The following ALDH1L2 variants were observed in gnomAD, a reference collection of about 807,000 sequenced individuals.
ALDH1L2 encodes the protein aldehyde dehydrogenase 1 family member L2, also known as mitochondrial 10-formyltetrahydrofolate dehydrogenase.
ALDH1L2 carries 91 observed loss-of-function variants against 111.0 expected under a neutral mutation model. The ratio of observed to expected loss-of-function variants is 0.82; its 90% CI spans 0.69 to 0.98. The LOEUF is 0.98. Ranked by LOEUF, ALDH1L2 falls within the 50% of genes least tolerant of loss-of-function variation. ALDH1L2 has a pLI of 0.00. For missense variants in ALDH1L2, 995 were observed against 1,126.8 expected (o/e 0.88, Z 1.67); for synonymous variants, 374 against 392.6 (o/e 0.95, Z 0.56).
chr12:105,025,466 C>T (rs768197091), intron 22 of ALDH1L2, among the ~76,000 whole-genome samples: 4 of 152,182 alleles, frequency 2.6e-5, no homozygotes. Flanking sequence ...GGATGCCTCA[C>T]TTTCTAATAA....
At chr12:105,035,965 T>TTA (rs1340349045) in intron 18 of ALDH1L2, among the ~76,000 whole-genome samples, 1 of 108,840 alleles carries the variant, frequency 9.2e-6, no homozygotes, top group Non-Finnish European at 1.7e-5. Context: ...ATACGTATAT[T>TTA]TATATGTGTA....
intron 1 of ALDH1L2, among the ~76,000 whole-genome samples, chr12:105,078,870 G>T (rs1194115134): frequency 6.6e-6 from 1 of 152,188 alleles, no homozygotes; most frequent in Non-Finnish European, 1.5e-5. Flanking sequence ...CAGGCAGAGG[G>T]TGCGGTATTT....
At chr12:105,072,439 G>A (rs1274362087) in intron 2 of ALDH1L2, 1 of 151,906 alleles carries the variant, frequency 6.6e-6, no homozygotes, top group East Asian at 1.9e-4. Context: ...AGTCCTGAAG[G>A]ACCCCAGCCA....
chr12:105,030,568 G>T, intron 20 of ALDH1L2, 139 bp from the exon 21 acceptor site: 1 of 565,728 alleles, frequency 1.8e-6, no homozygotes, highest in Non-Finnish European at 2.9e-6. Context: ...TTCTCTATTT[G>T]GTGTTGGCAT....
Position 105,030,392 on chromosome 12 carries a change from T to C in ALDH1L2, c.2448A>G (p.Glu816=), listed in dbSNP as rs147218331. 148 of 1,612,234 alleles carry C rather than the reference T, an allele frequency of 9.2e-5. No individual in the cohort carries two copies. The highest frequency in any genetic ancestry group is 6.6e-4 in the Middle Eastern group (4 of 6,054). ...FMEPTVFTDV[E]DYMYLAKEES... ...CCTCTTTGGCGAGGTACATGTAGTC[T>C]TCCACATCTGTGAACACGGTCGGCT... is the stretch of plus-strand genomic sequence containing the variant. The change falls in exon 21 of 23, where the codon GAA becomes GAG. Residue 816 remains glutamate (E), a synonymous_variant. Coordinates refer to ENST00000258494, the MANE Select transcript of ALDH1L2 (RefSeq NM_001034173.4).
At chr12:105,073,117 C>G (rs1353297063) in intron 2 of ALDH1L2, among the ~76,000 whole-genome samples, 1 of 152,184 alleles carries the variant, frequency 6.6e-6, no homozygotes, top group East Asian at 1.9e-4. Flanking sequence ...TCAATGCTTC[C>G]TTATTATGAA....
At position 105,038,313 on chromosome 12, in the gene ALDH1L2, CA is replaced by C; in HGVS notation, c.2046-112del. 3 of 648,632 alleles carry C rather than the reference CA, an allele frequency of 4.6e-6. 1 individual carries two copies. Among genetic ancestry groups the C allele is most frequent in the Non-Finnish European group, 7.8e-6 (3 of 384,600 alleles). The allele number at this position is 648,632 out of a possible 1,614,324, so 40.2% of individuals were successfully genotyped here. The stretch of plus-strand genomic sequence containing the variant: ...ACACACACACACACACACACACACA[CA>C]CACACACACTTTTTAAGCTATAAGT... On this transcript the variant is annotated intron_variant, in intron 17 of 22. Transcript: ENST00000258494.
At chr12:105,070,081 A>C (rs1434484335) in intron 3 of ALDH1L2, among the ~76,000 whole-genome samples, 1 of 152,202 alleles carries the variant, frequency 6.6e-6, no homozygotes. Context: ...GACTCCCTCT[A>C]GGGGATTATG....
In ALDH1L2 at chr12:105,074,499, GAA is replaced by G. The variant is rs201817494; in HGVS notation, c.49-496_49-495del. Among the ~76,000 whole-genome samples the G allele has an allele frequency of 7.2e-3, 910 of 126,976 alleles. 15 individuals carry two copies. The highest frequency in any genetic ancestry group is 0.028 in the African/African-American group (833 of 29,814). The allele number at this position is 126,976 out of a possible 152,430, so 83.3% of individuals were successfully genotyped here. On this transcript the variant is annotated intron_variant, in intron 1 of 22. Transcript: ENST00000258494. Reference sequence around the variant, plus strand: ...AAAAAAAAAAGAAAAGAAAAAGAAAGAAAGAAAGAGGGTAATCAGAGGGTCAT... The same window carrying G: ...AAAAAAAAAAGAAAAGAAAAAGAAAGAGAAAGAGGGTAATCAGAGGGTCAT...
rs534509833 is a variant in ALDH1L2, at chr12:105,063,487, A to G, written c.787-465T>C. 2.2e-3 allele frequency among the ~76,000 whole-genome samples: 330 copies of G among 151,906 alleles called. 1 individual carries two copies. Among genetic ancestry groups the G allele is most frequent in the Admixed American group, 5.6e-3 (86 of 15,256 alleles). ...CCAGACTCTGTCTCAAAGAAAAAAA[A>G]AAAGAAAGAAAGAAAGAAATGACAC... On this transcript the variant is annotated intron_variant, in intron 6 of 22. Transcript: ENST00000258494.
chr12:105,068,864 T>C lies in ALDH1L2; in HGVS notation c.449A>G (p.Lys150Arg), dbSNP rs749063185. ...AINWTLIMGD[K>R]KAGFSVFWAD... ...CCAGAAAACAGAAAACCCAGCTTTCTTATCTCCCATAATTAGAGTCCTGTG... is the reference window on the plus strand; with the variant it reads ...CCAGAAAACAGAAAACCCAGCTTTCCTATCTCCCATAATTAGAGTCCTGTG... Residue 150 changes from lysine to arginine, a missense_variant, in exon 4 of 23, where the codon AAG (lysine) becomes AGG (arginine). Physicochemically the swap from Lys to Arg is conservative, Grantham distance 26. Transcript: ENST00000258494. 26 of 1,580,120 alleles carry C rather than the reference T, an allele frequency of 1.6e-5. No individual in the cohort carries two copies. The highest frequency in any genetic ancestry group is 1.9e-5 in the Admixed American group (1 of 51,694).
In ALDH1L2 at chr12:105,064,043, C is replaced by T. The variant is rs569204799; in HGVS notation, c.787-1021G>A. On this transcript the variant is annotated intron_variant, in intron 6 of 22. Coordinates refer to ENST00000258494, the MANE Select transcript of ALDH1L2 (RefSeq NM_001034173.4). Reference sequence around the variant, plus strand: ...CAATCTCGCTGCAACCTCTGCCTCCCGGGTTCAAATGATTCTCCTGCCTTA... The same window carrying T: ...CAATCTCGCTGCAACCTCTGCCTCCTGGGTTCAAATGATTCTCCTGCCTTA... Among the ~76,000 whole-genome samples, 7 of 146,060 alleles carry T rather than the reference C, an allele frequency of 4.8e-5. No homozygotes were observed. The South Asian group carries it at 1.3e-3, about 28-fold the overall frequency.
At chr12:105,026,513 A>C (rs986600168) in intron 22 of ALDH1L2, 32 bp downstream of exon 22, 68 of 1,611,850 alleles carry the variant, frequency 4.2e-5, no homozygotes, top group Non-Finnish European at 5.7e-5. Flanking sequence ...GTGACAACAA[A>C]GGGAAGGTGA....
At chr12:105,065,996 T>G (rs1262240321) in intron 5 of ALDH1L2, among the ~76,000 whole-genome samples, 1 of 152,188 alleles carries the variant, frequency 6.6e-6, no homozygotes, top group Non-Finnish European at 1.5e-5. Flanking sequence ...TTTTGTTTTT[T>G]GAGACAGGGG....
At chr12:105,052,621 G>C (rs148268117) in intron 11 of ALDH1L2, among the ~76,000 whole-genome samples, 191 bp downstream of exon 11, 1 of 152,136 alleles carries the variant, frequency 6.6e-6, no homozygotes, top group South Asian at 2.1e-4. Flanking sequence ...CTATAAAATA[G>C]GTTACTACAG....
intron 16 of ALDH1L2, 60 bp from the exon 17 acceptor site, chr12:105,039,866 T>TA: frequency 1.3e-6 from 2 of 1,488,926 alleles, no homozygotes; most frequent in Non-Finnish European, 1.9e-6. Flanking sequence ...CGCGGTGGCT[T>TA]ACGCCTGTAA....
intron 15 of ALDH1L2, among the ~76,000 whole-genome samples, chr12:105,042,496 T>A (rs1050367907): frequency 6.6e-6 from 1 of 152,242 alleles, no homozygotes; most frequent in Admixed American, 6.5e-5. Context: ...TTCCTCATTC[T>A]CTTCAATGGG....
Position 105,026,632 on chromosome 12 carries a change from C to T in ALDH1L2, c.2629G>A (p.Gly877Arg). ...AMYVSEKLEAGTVFINTYNKT... is the reference protein window; with the variant it reads ...AMYVSEKLEARTVFINTYNKT... ...TTGTATGTGTTAATAAAAACAGTTC[C>T]TGCTTCCAGTTTTTCACTCACATAC... The change falls in exon 22 of 23, where the codon GGA becomes AGA. Residue 877 changes from glycine to arginine, a missense_variant. Gly to Arg is a moderately radical substitution (Grantham distance 125). Transcript: ENST00000258494. The T allele has an allele frequency of 6.2e-7, 1 of 1,614,154 alleles. No homozygotes were observed. Among genetic ancestry groups the T allele is most frequent in the Non-Finnish European group, 8.5e-7 (1 of 1,180,008 alleles).
rs1874138903 is a variant in ALDH1L2 at position 105,021,121 on chromosome 12, G to C, written c.*3303C>G. 6.6e-6 allele frequency: 1 copy of C among 152,404 alleles called. No individual in the cohort carries two copies. The highest frequency in any genetic ancestry group is 1.5e-5 in the Non-Finnish European group (1 of 68,204). The allele number at this position is 152,404 out of a possible 1,614,324, so 9.4% of individuals were successfully genotyped here. ...GAAATTGACAGGAGATGAGGTCAGA[G>C]GTAGCTAGGAGCAAGATCAGTAGGC... On this transcript the variant is annotated 3_prime_UTR_variant, in exon 23 of 23. Transcript: ENST00000258494.
Sources: gnomAD v4.1 joint callset for allele counts (sites outside exome capture counted in the v4.1 genomes callset) on GRCh38, gnomAD v4.1.1 for gene constraint, MANE v1.5 for transcripts, NCBI Gene and HGNC (gene_info 2026-07-23, HGNC 2026-07-21) for gene names.